Variants in CIB2 observed in about 807,000 individuals in gnomAD.
CIB2 encodes the protein calcium and integrin binding family member 2, also known as calcium and integrin-binding family member 2.
In CIB2, 19 loss-of-function variants were observed where a neutral mutation model predicts 23.1. That is an observed-to-expected ratio of 0.82 (90% CI 0.57 to 1.21). The LOEUF (loss-of-function observed/expected upper bound fraction) is 1.21. Among genes scored for constraint, CIB2 ranks in the 50% most tolerant of loss-of-function variants. CIB2 has a pLI of 0.00. For missense variants in CIB2, 220 were observed against 241.5 expected (o/e 0.91, Z 0.59); for synonymous variants, 94 against 91.7 (o/e 1.03, Z -0.14).
In CIB2 at chr15:78,117,246, C is replaced by CA. The variant is rs60332437; in HGVS notation, c.87-5971dup. On this transcript the variant is annotated intron_variant, in intron 2 of 5. Transcript: ENST00000258930. ...GTTAAGTGTTTCTTCAAGCTACTGG[C>CA]AAAAAAAAAAAAAAAAAAAAAAAAA... Among the ~76,000 whole-genome samples, 432 of 55,438 alleles carry CA rather than the reference C, an allele frequency of 7.8e-3. 62 individuals are homozygous for CA. The highest frequency in any genetic ancestry group is 0.02 in the African/African-American group (224 of 11,208). 36.4% of individuals were successfully genotyped at this position (55,438 alleles called of 152,430 possible). A position where few individuals can be genotyped will look rare whatever the true frequency, so the allele number is the denominator to read the frequency against.
chr15:78,114,563 C>A (rs899391251), intron 2 of CIB2, among the ~76,000 whole-genome samples: 1 of 152,078 alleles, frequency 6.6e-6, no homozygotes, highest in African/African-American at 2.4e-5. Flanking sequence ...TTAACAAGAA[C>A]CCTGATACAA....
At chr15:78,110,430 A>G (rs1164259256) in intron 3 of CIB2, among the ~76,000 whole-genome samples, 1 of 152,170 alleles carries the variant, frequency 6.6e-6, no homozygotes, top group Admixed American at 6.5e-5. Context: ...TGAGGTCACA[A>G]CCAGAGTGCA....
intron 1 of CIB2, among the ~76,000 whole-genome samples, chr15:78,129,865 G>A (rs1180141103): frequency 6.6e-6 from 1 of 152,216 alleles, no homozygotes; most frequent in East Asian, 1.9e-4. Context: ...CCACCTCACT[G>A]TGATGATCAA....
intron 2 of CIB2, chr15:78,120,539 C>A: frequency 1.0e-6 from 1 of 985,206 alleles, no homozygotes; most frequent in Non-Finnish European, 1.2e-6. Flanking sequence ...AATTAGGGCA[C>A]AAGGGAAGTT....
chr15:78,113,517 CTTCT>C (rs765344309), intron 2 of CIB2, among the ~76,000 whole-genome samples: 65 of 145,122 alleles, frequency 4.5e-4, no homozygotes, highest in African/African-American at 1.3e-3. Flanking sequence ...ATTCATGCAT[CTTCT>C]TTCTTTCTTT....
At position 78,120,568 on chromosome 15, in the gene CIB2, C is replaced by T. The variant is rs146707440; in HGVS notation, c.86+3137G>A. Reference sequence around the variant, plus strand: ...GGAAGTTGAAGTGCTAAGCTCTTACCTATAAAAAGCAAGGTGACTGAATAG... The same window carrying T: ...GGAAGTTGAAGTGCTAAGCTCTTACTTATAAAAAGCAAGGTGACTGAATAG... On this transcript the variant is annotated intron_variant, in intron 2 of 5. Coordinates refer to ENST00000258930, the MANE Select transcript of CIB2 (RefSeq NM_006383.4). 99 of 985,128 alleles carry T rather than the reference C, an allele frequency of 1.0e-4. 1 individual carries two copies. In the African/African-American group the frequency reaches 1.7e-3, roughly 17 times the overall value. 61.0% of individuals were successfully genotyped at this position (985,128 alleles called of 1,614,324 possible). A position where few individuals can be genotyped will look rare whatever the true frequency, so the allele number is the denominator to read the frequency against.
At chr15:78,122,839 A>G (rs2141911892) in intron 2 of CIB2, among the ~76,000 whole-genome samples, 1 of 152,356 alleles carries the variant, frequency 6.6e-6, no homozygotes, top group East Asian at 1.9e-4. Flanking sequence ...GCCGAGAGGC[A>G]CTGCCTGAAT....
rs758743502 is a variant in CIB2, at chr15:78,109,358, C to T, written c.223G>A (p.Val75Met). Residue 75 changes from valine to methionine, a missense_variant, in exon 4 of 6, where the codon GTG becomes ATG. Physicochemically the swap from Val to Met is conservative, Grantham distance 21 (BLOSUM62 1). Coordinates refer to ENST00000258930, the MANE Select transcript of CIB2 (RefSeq NM_006383.4). The part of the protein sequence containing the change: ...LRENPFKERI[V>M]AAFSEDGEGN... ...TCACCATCCTCGGAAAACGCCGCCA[C>T]GATCCTTTCTTTGAAGGGATTCTCC... 1.4e-5 allele frequency: 23 copies of T among 1,614,058 alleles called. No homozygotes were observed. Among genetic ancestry groups the T allele is most frequent in the East Asian group, 4.5e-5 (2 of 44,886 alleles).
Position 78,131,138 on chromosome 15 carries a change from GT to G in CIB2, c.51+26del. On this transcript the variant is annotated intron_variant, in intron 1 of 5. Coordinates refer to ENST00000258930, the MANE Select transcript of CIB2 (RefSeq NM_006383.4). This position sits in a 1 kb window ranked among gnomAD's most constrained non-coding sequence, Gnocchi z 5.8. ...GGGGCGGCGGGGCGGCGGGGCCTGT[GT>G]TGGGGGCCGGGCGCGCCGAGCTCAC... 1 of 1,565,680 alleles carries G rather than the reference GT, an allele frequency of 6.4e-7. No homozygotes were observed. Among genetic ancestry groups the G allele is most frequent in the Non-Finnish European group, 8.6e-7 (1 of 1,156,436 alleles).
chr15:78,113,952 G>A (rs1247672947), intron 2 of CIB2, among the ~76,000 whole-genome samples: 1 of 152,316 alleles, frequency 6.6e-6, no homozygotes, highest in South Asian at 2.1e-4. Flanking sequence ...CTACACCTCT[G>A]AAGTTTTGTG....
At chr15:78,117,494 G>A (rs1379772092) in intron 2 of CIB2, among the ~76,000 whole-genome samples, 1 of 152,104 alleles carries the variant, frequency 6.6e-6, no homozygotes, top group East Asian at 1.9e-4. Flanking sequence ...GAAATCAATG[G>A]GGAAAAGATT....
At chr15:78,109,592 C>G (rs934333331) in intron 3 of CIB2, 1 of 604,638 alleles carries the variant, frequency 1.7e-6, no homozygotes, top group East Asian at 2.9e-5. Flanking sequence ...GGTGTTGGTA[C>G]CAGGCCCGGC....
chr15:78,125,215 G>C (rs996627072), intron 1 of CIB2, among the ~76,000 whole-genome samples: 11 of 152,186 alleles, frequency 7.2e-5, no homozygotes, highest in Admixed American at 1.3e-4. Flanking sequence ...GGCACAGACA[G>C]GCTGGAGACA....
intron 2 of CIB2, among the ~76,000 whole-genome samples, chr15:78,113,537 T>TTTCTTTCTTTC (rs757432232): frequency 6.5e-3 from 310 of 47,390 alleles, no homozygotes; most frequent in African/African-American, 0.013. Context: ...TCTTTCTTTC[T>TTTCTTTCTTTC]TTTTTTTTTT....
intron 2 of CIB2, among the ~76,000 whole-genome samples, chr15:78,112,321 T>C (rs1328114970): frequency 1.3e-5 from 2 of 152,092 alleles, no homozygotes; most frequent in South Asian, 2.1e-4. Context: ...AAACCCAGTG[T>C]TTTGGGAGGC....
chr15:78,109,712 T>A (rs1300409415), intron 3 of CIB2, among the ~76,000 whole-genome samples: 1 of 143,168 alleles, frequency 7.0e-6, no homozygotes, highest in African/African-American at 2.6e-5. Flanking sequence ...GAGACTGAGG[T>A]GGAGGAATCA....
At chr15:78,129,730 A>T (rs2074429190) in intron 1 of CIB2, among the ~76,000 whole-genome samples, 1 of 151,974 alleles carries the variant, frequency 6.6e-6, no homozygotes, top group Admixed American at 6.6e-5. Flanking sequence ...CAAAAAGCAC[A>T]CATGGCCCAG....
intron 1 of CIB2, among the ~76,000 whole-genome samples, chr15:78,129,212 C>T (rs751638623): frequency 2.5e-4 from 38 of 152,022 alleles, no homozygotes; most frequent in Non-Finnish European, 4.3e-4. Context: ...CCACTCAGCC[C>T]GGGCTGGCAA....
At chr15:78,111,372 C>A in intron 2 of CIB2, 96 bp from the exon 3 acceptor site, 1 of 938,756 alleles carries the variant, frequency 1.1e-6, no homozygotes, top group Admixed American at 2.4e-5. Flanking sequence ...CTCTGCAGAA[C>A]ATCCTCAGCC....
Sources: allele counts gnomAD v4.1 joint callset (sites outside exome capture counted in the v4.1 genomes callset), GRCh38; gene constraint gnomAD v4.1.1; non-coding constraint Gnocchi (gnomAD v3.1); transcripts MANE v1.5; gene names NCBI Gene and HGNC (gene_info 2026-07-23, HGNC 2026-07-21).